Variants in CDH22 observed in about 807,000 individuals in gnomAD.
CDH22 encodes cadherin 22.
CDH22 carries 30 observed loss-of-function variants against 58.4 expected under a neutral mutation model. The ratio of observed to expected loss-of-function variants is 0.51; its 90% CI spans 0.38 to 0.70. CDH22 has a LOEUF of 0.70. Among genes scored for constraint, CDH22 ranks in the 30% least tolerant of loss-of-function variants. The probability of loss-of-function intolerance (pLI) is 0.00; values close to 1 mark genes in which losing one functional copy is unlikely to be tolerated. For synonymous variants in CDH22, 513 were observed against 558.2 expected (o/e 0.92, Z 1.14); for missense variants, 1,014 against 1,233.9 (o/e 0.82, Z 2.67).
chr20:46,281,884 G>A (rs561093027), intron 1 of CDH22, among the ~76,000 whole-genome samples: 119 of 152,366 alleles, frequency 7.8e-4, no homozygotes, highest in Non-Finnish European at 1.4e-3. Flanking sequence ...TATGTGCGGA[G>A]CACACGCATT....
chr20:46,175,266 G>T (rs1473558211), intron 11 of CDH22, among the ~76,000 whole-genome samples, 189 bp from the exon 12 acceptor site: 1 of 152,206 alleles, frequency 6.6e-6, no homozygotes, highest in African/African-American at 2.4e-5. Context: ...GTCTGGAGAG[G>T]TAGTGAGCTA....
chr20:46,247,047 TC>T (rs34760083), intron 2 of CDH22, among the ~76,000 whole-genome samples: 2 of 147,734 alleles, frequency 1.4e-5, no homozygotes, highest in African/African-American at 5.1e-5. Flanking sequence ...ATGACAACCT[TC>T]CCCCCCACTT....
intron 1 of CDH22, among the ~76,000 whole-genome samples, chr20:46,294,658 A>G (rs1191856284): frequency 6.6e-6 from 1 of 152,198 alleles, no homozygotes; most frequent in Non-Finnish European, 1.5e-5. Flanking sequence ...CCCAGTTTGT[A>G]CAAACTCTCC....
intron 1 of CDH22, among the ~76,000 whole-genome samples, chr20:46,254,554 C>CAAAAAAA: frequency 1.6e-5 from 1 of 64,134 alleles, no homozygotes; most frequent in Non-Finnish European, 3.5e-5. Context: ...AATTCCATCT[C>CAAAAAAA]AAAAAAAAAA....
At chr20:46,221,032 T>C (rs1052805852) in intron 4 of CDH22, among the ~76,000 whole-genome samples, 32 of 152,150 alleles carry the variant, frequency 2.1e-4, no homozygotes, top group African/African-American at 7.2e-4. Flanking sequence ...TAAGCCCCTG[T>C]ATGCTGCGGC....
intron 1 of CDH22, among the ~76,000 whole-genome samples, chr20:46,307,424 C>T (rs1418493143): frequency 1.3e-5 from 2 of 152,230 alleles, no homozygotes; most frequent in African/African-American, 4.8e-5. Context: ...TCACAGTAAA[C>T]GCCGCGGCCC....
chr20:46,174,629 C>T lies in CDH22; in HGVS notation c.2364G>A (p.Leu788=), dbSNP rs997453817. Residue 788 remains leucine (L), a synonymous_variant, in exon 12 of 12, where the codon CTG becomes CTA. Coordinates refer to ENST00000537909, the MANE Select transcript of CDH22 (RefSeq NM_021248.3). The surrounding 1 kb of genome is among the most constrained non-coding windows in gnomAD (Gnocchi z 4.4). ...ADSPAASLSS[L]HSGSSGSEQD... is the part of the protein sequence containing the mutation. ...GCTCGGAGCCCGACGAGCCGCTGTG[C>T]AGGGAGCTGAGCGAGGCGGCCGGCG... 6.5e-7 allele frequency: 1 copy of T among 1,549,796 alleles called. No homozygotes were observed. Among genetic ancestry groups the T allele is most frequent in the Non-Finnish European group, 8.7e-7 (1 of 1,152,998 alleles).
intron 1 of CDH22, among the ~76,000 whole-genome samples, chr20:46,264,869 T>C (rs1450236720): frequency 1.4e-5 from 2 of 147,278 alleles, no homozygotes; most frequent in Non-Finnish European, 3.1e-5. Context: ...ACACACACCG[T>C]GCGCACACAC....
chr20:46,288,546 A>G (rs928790009), intron 1 of CDH22, among the ~76,000 whole-genome samples: 4 of 152,172 alleles, frequency 2.6e-5, no homozygotes, highest in African/African-American at 9.7e-5. Context: ...TTCAGTGCAG[A>G]TATCTAAAAC....
intron 3 of CDH22, among the ~76,000 whole-genome samples, chr20:46,238,675 A>G (rs1012184779): frequency 1.3e-5 from 2 of 151,894 alleles, no homozygotes; most frequent in African/African-American, 2.4e-5. Flanking sequence ...TTTCTTTCAC[A>G]CTCCATATCC....
chr20:46,202,547 G>T (rs542723691), intron 7 of CDH22, among the ~76,000 whole-genome samples: 2 of 152,136 alleles, frequency 1.3e-5, no homozygotes, highest in South Asian at 2.1e-4. Flanking sequence ...TAGAGACGGG[G>T]TTTCACCTTG....
intron 2 of CDH22, among the ~76,000 whole-genome samples, chr20:46,248,684 A>G (rs1016371126): frequency 2.0e-5 from 3 of 152,204 alleles, no homozygotes; most frequent in Admixed American, 2.0e-4. Flanking sequence ...TTAGCTGGGC[A>G]TGGTGTAATC....
Position 46,210,712 on chromosome 20 carries a change from C to T in CDH22, c.1033-152G>A. ...TGTTTGGGCTGCATTGCAGAACTGA[C>T]CCAGACCAACCCGGTGGGTTACGGG... On this transcript the variant is annotated intron_variant, in intron 6 of 11. Coordinates refer to ENST00000537909, the MANE Select transcript of CDH22 (RefSeq NM_021248.3). This position sits in a 1 kb window ranked among gnomAD's most constrained non-coding sequence, Gnocchi z 4.5. 1 of 609,954 alleles carries T rather than the reference C, an allele frequency of 1.6e-6. No homozygotes were observed. The highest frequency in any genetic ancestry group is 2.5e-6 in the Non-Finnish European group (1 of 399,760). The allele number at this position is 609,954 out of a possible 1,614,324, so 37.8% of individuals were successfully genotyped here.
rs79693046 is a variant in CDH22 at position 46,264,891 on chromosome 20, G to A, written c.-399-13198C>T. Among the ~76,000 whole-genome samples the A allele has an allele frequency of 8.7e-3, 1,284 of 148,168 alleles. 15 individuals carry two copies. The highest frequency in any genetic ancestry group is 0.029 in the African/African-American group (1,180 of 40,736). On this transcript the variant is annotated intron_variant, in intron 1 of 11. Transcript: ENST00000537909. ...CCGTGCGCACACACACACACCGTGC[G>A]CGCACACACACCGTGCGCACACACA...
intron 1 of CDH22, among the ~76,000 whole-genome samples, chr20:46,284,003 G>A (rs4813017): frequency 0.6 from 90,805 of 151,426 alleles, 27,810 homozygotes; most frequent in South Asian, 0.72. Context: ...CCTTAATGCC[G>A]ACTTCAGACT....
chr20:46,245,614 C>T (rs2086322594), intron 2 of CDH22, among the ~76,000 whole-genome samples: 1 of 152,158 alleles, frequency 6.6e-6, no homozygotes, highest in Non-Finnish European at 1.5e-5. Flanking sequence ...TTTATTCCAT[C>T]TCCCCAGCAC....
intron 1 of CDH22, among the ~76,000 whole-genome samples, chr20:46,276,208 ACT>A (rs1217244075): frequency 6.6e-6 from 1 of 151,994 alleles, no homozygotes; most frequent in Non-Finnish European, 1.5e-5. Flanking sequence ...CACAGCTGGA[ACT>A]CTCTGACTGA....
At chr20:46,204,580 T>C (rs1277261447) in intron 7 of CDH22, among the ~76,000 whole-genome samples, 1 of 152,126 alleles carries the variant, frequency 6.6e-6, no homozygotes, top group African/African-American at 2.4e-5. Context: ...AATCCTCAGA[T>C]ACTGTCATCA....
chr20:46,177,401 C>G (rs1279061115), intron 11 of CDH22, among the ~76,000 whole-genome samples: 1 of 150,918 alleles, frequency 6.6e-6, no homozygotes, highest in African/African-American at 2.4e-5. Context: ...GATTTTGCCC[C>G]CCTCCCCCAC....
Sources: gnomAD v4.1 joint callset for allele counts (sites outside exome capture counted in the v4.1 genomes callset) on GRCh38, gnomAD v4.1.1 for gene constraint, Gnocchi (gnomAD v3.1) non-coding constraint, MANE v1.5 for transcripts, NCBI Gene and HGNC (gene_info 2026-07-23, HGNC 2026-07-21) for gene names.